Variants in PKN3 observed in about 807,000 individuals in gnomAD.
PKN3 encodes protein kinase N3, also known as serine/threonine-protein kinase N3.
A neutral mutation model predicts 113.1 loss-of-function variants in PKN3; 91 were observed. The ratio of observed to expected loss-of-function variants is 0.80; its 90% CI spans 0.68 to 0.96. The LOEUF is 0.96. PKN3 is among the 40% of genes least tolerant of loss of function. The pLI, the probability that PKN3 is intolerant of heterozygous loss-of-function variation, is 0.00. For synonymous variants in PKN3, 467 were observed against 499.0 expected (o/e 0.94, Z 0.85); for missense variants, 1,052 against 1,202.2 (o/e 0.88, Z 1.85).
chr9:128,702,582 C>T lies in PKN3; in HGVS notation c.-334C>T, dbSNP rs1210736891. 1 of 315,534 alleles carries T rather than the reference C, an allele frequency of 3.2e-6. No homozygotes were observed. The highest frequency in any genetic ancestry group is 5.7e-6 in the Non-Finnish European group (1 of 174,390). 19.5% of individuals were successfully genotyped at this position (315,534 alleles called of 1,614,324 possible). A position where few individuals can be genotyped will look rare whatever the true frequency, so the allele number is the denominator to read the frequency against. On this transcript the variant is annotated 5_prime_UTR_variant, in exon 1 of 22. Transcript: ENST00000291906. ...GACCTGGGCGCGGGCGATGTGCCTC[C>T]TGAGCGTCCAAACCGGGGGTGAGGC... is the stretch of plus-strand genomic sequence containing the variant.
intron 19 of PKN3, 37 bp from the exon 20 acceptor site, chr9:128,719,873 G>T (rs1589496341): frequency 6.4e-7 from 1 of 1,570,372 alleles, no homozygotes; most frequent in East Asian, 2.2e-5. Flanking sequence ...TGGGGGTGGG[G>T]TGGCCCGTGC....
intron 9 of PKN3, 72 bp downstream of exon 9, chr9:128,713,714 A>G: frequency 6.8e-7 from 1 of 1,464,822 alleles, no homozygotes. Context: ...TTCAAGACCG[A>G]TGCACTGCGT....
At chr9:128,704,477 C>G (rs1210411130) in intron 1 of PKN3, among the ~76,000 whole-genome samples, 5 of 152,174 alleles carry the variant, frequency 3.3e-5, no homozygotes, top group Admixed American at 6.5e-5. Context: ...CTCCTGGACT[C>G]TACTTTGGGT....
At position 128,713,215 on chromosome 9, in the gene PKN3, C is replaced by T. The variant is rs370645968; in HGVS notation, c.982+17C>T. On this transcript the variant is annotated intron_variant, in intron 7 of 21. Transcript: ENST00000291906. ...AGCTTGCCAGTGAGTAGGGAAGGAG[C>T]TTCAGGGGGAGCAGGAGACCCCTGC... 4 of 1,609,478 alleles carry T rather than the reference C, an allele frequency of 2.5e-6. No individual in the cohort carries two copies. Among genetic ancestry groups the T allele is most frequent in the Admixed American group, 1.7e-5 (1 of 59,766 alleles).
chr9:128,704,916 C>CA (rs560127150), intron 1 of PKN3, among the ~76,000 whole-genome samples: 848 of 83,674 alleles, frequency 0.01, 3 homozygotes, highest in Admixed American at 0.019. Flanking sequence ...AAAACTGTCT[C>CA]AAAAAAAAAA....
intron 6 of PKN3, among the ~76,000 whole-genome samples, chr9:128,711,006 C>T (rs1174941322): frequency 1.3e-5 from 2 of 151,216 alleles, no homozygotes; most frequent in East Asian, 3.9e-4. Flanking sequence ...GAGTTTTGCT[C>T]TTATTGCCCA....
chr9:128,720,442 G>A lies in PKN3; in HGVS notation c.2506G>A (p.Val836Met), dbSNP rs757025045. 1.9e-5 allele frequency: 31 copies of A among 1,613,028 alleles called. No individual in the cohort carries two copies. Among genetic ancestry groups the A allele is most frequent in the Admixed American group, 1.5e-4 (9 of 59,984 alleles). Reference sequence around the variant, plus strand: ...CGCCCGCACCATCCAGCCCCCCTTCGTGCCTACCCTGTGTGGCCCTGCGGA... The same window carrying A: ...CGCCCGCACCATCCAGCCCCCCTTCATGCCTACCCTGTGTGGCCCTGCGGA... ...LLARTIQPPF[V>M]PTLCGPADLR... Residue 836 changes from valine to methionine, a missense_variant, in exon 22 of 22, where the codon GTG becomes ATG. By Grantham distance (21) the Val-to-Met change is conservative. This residue lies in a region of PKN3 where 333 missense variants were observed against 442.8 expected (regional missense o/e 0.75). Coordinates refer to ENST00000291906, the MANE Select transcript of PKN3 (RefSeq NM_013355.5). This position sits in a 1 kb window ranked among gnomAD's most constrained non-coding sequence, Gnocchi z 5.5.
intron 18 of PKN3, 43 bp downstream of exon 18, chr9:128,718,668 C>A (rs1400572802): frequency 1.3e-6 from 2 of 1,558,722 alleles, no homozygotes; most frequent in African/African-American, 1.4e-5. Context: ...GCCTTGTTTA[C>A]CCACCCTGGC....
rs1862048649 is a variant in PKN3 at position 128,707,297 on chromosome 9, C to G, written c.727C>G (p.Leu243Val). 1.9e-6 allele frequency: 3 copies of G among 1,613,772 alleles called. No individual in the cohort carries two copies. The highest frequency in any genetic ancestry group is 1.7e-5 in the Admixed American group (1 of 59,996). ...GGCCTTGGAGCAGCTGCTGGAGCAA[C>G]TGCCTCCTGCCCACCCTTTGCGCAG... Reference protein sequence around the residue: ...RLALEQLLEQLPPAHPLRSRV... With the variant: ...RLALEQLLEQVPPAHPLRSRV... Residue 243 changes from leucine (L) to valine (V), a missense_variant, in exon 6 of 22, where the codon CTG (leucine) becomes GTG (valine). Physicochemically the swap from Leu to Val is conservative, Grantham distance 32. Transcript: ENST00000291906.
chr9:128,705,380 G>A lies in PKN3; in HGVS notation c.102G>A (p.Lys34=), dbSNP rs533309242. 16 of 1,597,130 alleles carry A rather than the reference G, an allele frequency of 1.0e-5. No individual in the cohort carries two copies. The African/African-American group carries it at 2.0e-4, about 20-fold the overall frequency. ...RRAIQKELKI[K]EGVENLRRVA... is the part of the protein sequence containing the mutation. ...CCATCCAGAAAGAGCTGAAGATCAAGGAGGGGGTGGAGAACCTGCGGCGCG... is the reference window on the plus strand; with the variant it reads ...CCATCCAGAAAGAGCTGAAGATCAAAGAGGGGGTGGAGAACCTGCGGCGCG... The change falls in exon 2 of 22, where the codon AAG becomes AAA. Residue 34 remains lysine, a synonymous_variant. Coordinates refer to ENST00000291906, the MANE Select transcript of PKN3 (RefSeq NM_013355.5).
chr9:128,719,390 C>T (rs1235289715), intron 18 of PKN3, among the ~76,000 whole-genome samples: 4 of 150,160 alleles, frequency 2.7e-5, no homozygotes, highest in African/African-American at 7.4e-5. Flanking sequence ...GGGGTTTCAC[C>T]ATGTTGGCCA....
At chr9:128,705,263 A>C (rs1861973687) in intron 1 of PKN3, 40 bp from the exon 2 acceptor site, 8 of 1,547,832 alleles carry the variant, frequency 5.2e-6, no homozygotes, top group South Asian at 1.2e-5. Flanking sequence ...GCTGCACCCC[A>C]TGGCTGTTCT....
intron 6 of PKN3, among the ~76,000 whole-genome samples, chr9:128,711,744 G>T (rs1161774878): frequency 6.6e-6 from 1 of 151,622 alleles, no homozygotes; most frequent in Admixed American, 6.6e-5. Flanking sequence ...GATTACAGGC[G>T]CCCACCGCCA....
Position 128,707,740 on chromosome 9 carries a change from G to C in PKN3, c.835+335G>C, listed in dbSNP as rs1205708994. On this transcript the variant is annotated intron_variant, in intron 6 of 21. Transcript: ENST00000291906. ...TGGTGTTAGGAAGCTCGCAGCCCTG[G>C]AAAGCTTGATACCCAGCACTGGGCA... Among the ~76,000 whole-genome samples, 3 of 152,206 alleles carry C rather than the reference G, an allele frequency of 2.0e-5. No individual in the cohort carries two copies. The East Asian group carries it at 5.8e-4, about 29-fold the overall frequency.
chr9:128,704,896 C>T lies in PKN3; in HGVS notation c.25-407C>T, dbSNP rs141629667. Among the ~76,000 whole-genome samples, 437 of 128,032 alleles carry T rather than the reference C, an allele frequency of 3.4e-3. 1 individual carries two copies. Among genetic ancestry groups the T allele is most frequent in the African/African-American group, 0.012 (417 of 33,554 alleles). The allele number at this position is 128,032 out of a possible 152,430, so 84.0% of individuals were successfully genotyped here. A position where few individuals can be genotyped will look rare whatever the true frequency, so the allele number is the denominator to read the frequency against. ...TCGTGCCATGGCACTCCAGCCTGGGCAACAAGAGCAAAACTGTCTCAAAAA... is the reference window on the plus strand; with the variant it reads ...TCGTGCCATGGCACTCCAGCCTGGGTAACAAGAGCAAAACTGTCTCAAAAA... On this transcript the variant is annotated intron_variant, in intron 1 of 21. Transcript: ENST00000291906.
chr9:128,719,886 C>T, intron 19 of PKN3, 24 bp from the exon 20 acceptor site: 1 of 1,611,734 alleles, frequency 6.2e-7, no homozygotes. Context: ...GCCCGTGCAT[C>T]CTGCTGAGCC....
intron 1 of PKN3, chr9:128,704,153 C>T: frequency 2.0e-6 from 2 of 984,914 alleles, no homozygotes; most frequent in Non-Finnish European, 1.2e-6. Flanking sequence ...CCTGCAACAG[C>T]CCGTGTTGCG....
At chr9:128,712,070 C>T (rs1207460094) in intron 6 of PKN3, among the ~76,000 whole-genome samples, 5 of 152,138 alleles carry the variant, frequency 3.3e-5, no homozygotes, top group East Asian at 1.9e-4. Context: ...CCATCATGCC[C>T]GGCTGGTTTT....
intron 2 of PKN3, 94 bp from the exon 3 acceptor site, chr9:128,705,640 C>A (rs1368939005): frequency 3.2e-6 from 5 of 1,540,952 alleles, no homozygotes; most frequent in Non-Finnish European, 3.5e-6. Context: ...CACCTCATTT[C>A]CTGCCTATAG....
Sources: allele counts gnomAD v4.1 joint callset (sites outside exome capture counted in the v4.1 genomes callset), GRCh38; gene constraint gnomAD v4.1.1; regional missense constraint gnomAD v4.1.1; non-coding constraint Gnocchi (gnomAD v3.1); transcripts MANE v1.5; gene names NCBI Gene and HGNC (gene_info 2026-07-23, HGNC 2026-07-21).